MDGA2: variants seen among roughly 807,000 people sequenced by gnomAD.
The protein encoded by MDGA2 is MAM domain-containing glycosylphosphatidylinositol anchor protein 2.
In MDGA2, 40 loss-of-function variants were observed where a neutral mutation model predicts 117.8. That is an observed-to-expected ratio of 0.34 (90% CI 0.26 to 0.44). The LOEUF is 0.44. Ranked by LOEUF, MDGA2 falls within the 20% of genes least tolerant of loss-of-function variation. The pLI, the probability that MDGA2 is intolerant of heterozygous loss-of-function variation, is 1.00. For missense variants in MDGA2, 1,123 were observed against 1,250.6 expected (o/e 0.90, Z 1.54); for synonymous variants, 452 against 439.0 (o/e 1.03, Z -0.37).
At chr14:47,393,602 G>C (rs917989410) in intron 1 of MDGA2, among the ~76,000 whole-genome samples, 1 of 152,038 alleles carries the variant, frequency 6.6e-6, no homozygotes, top group Admixed American at 6.6e-5. Context: ...CTGTTTCCAA[G>C]GACCAGCCTC....
chr14:47,265,124 A>G lies in MDGA2; in HGVS notation c.420+36287T>C, dbSNP rs538568047. On this transcript the variant is annotated intron_variant, in intron 2 of 16. Transcript: ENST00000399232. The stretch of plus-strand genomic sequence containing the variant: ...TCAACAGGGCAGTTTTCAAATTACC[A>G]CTATAATGGCATTGAATGCAGAGTT... Among the ~76,000 whole-genome samples, 12 of 152,286 alleles carry G rather than the reference A, an allele frequency of 7.9e-5. No homozygotes were observed. The South Asian group carries it at 2.3e-3, about 29-fold the overall frequency.
At chr14:47,264,070 T>C (rs1054811528) in intron 2 of MDGA2, among the ~76,000 whole-genome samples, 5 of 152,288 alleles carry the variant, frequency 3.3e-5, no homozygotes, top group Admixed American at 3.3e-4. Flanking sequence ...AAGTTAAAGC[T>C]ATTTAAGTCA....
chr14:46,876,572 CAG>C, intron 12 of MDGA2, among the ~76,000 whole-genome samples: 1 of 151,598 alleles, frequency 6.6e-6, no homozygotes, highest in South Asian at 2.1e-4. Context: ...ATGATTTTAG[CAG>C]AGTTTCTGGG....
chr14:46,952,830 T>A (rs2138616608), intron 9 of MDGA2, among the ~76,000 whole-genome samples: 1 of 152,064 alleles, frequency 6.6e-6, no homozygotes, highest in Middle Eastern at 3.4e-3. Context: ...AGAACTGAAA[T>A]AGAGATTATG....
At chr14:47,211,767 T>C (rs571251247) in intron 3 of MDGA2, among the ~76,000 whole-genome samples, 1 of 152,316 alleles carries the variant, frequency 6.6e-6, no homozygotes, top group South Asian at 2.1e-4. Flanking sequence ...ATCCTTAAAA[T>C]TGCAATGTAA....
intron 1 of MDGA2, among the ~76,000 whole-genome samples, chr14:47,425,475 T>C (rs1024823959): frequency 6.6e-6 from 1 of 152,154 alleles, no homozygotes; most frequent in Non-Finnish European, 1.5e-5. Flanking sequence ...GTGATTATGA[T>C]GTCAGTTAAA....
chr14:47,350,342 A>G (rs752571738), intron 1 of MDGA2, among the ~76,000 whole-genome samples: 1 of 152,146 alleles, frequency 6.6e-6, no homozygotes, highest in Non-Finnish European at 1.5e-5. Context: ...AATACAGGGC[A>G]TTTTCAAGGG....
At chr14:47,471,162 G>A (rs10483570) in intron 1 of MDGA2, among the ~76,000 whole-genome samples, 10 of 151,780 alleles carry the variant, frequency 6.6e-5, no homozygotes, top group African/African-American at 1.9e-4. Context: ...TGCCAGGTAC[G>A]TGGTAGATGG....
At chr14:47,307,559 T>C (rs959175220) in intron 1 of MDGA2, among the ~76,000 whole-genome samples, 2 of 152,024 alleles carry the variant, frequency 1.3e-5, no homozygotes, top group African/African-American at 4.8e-5. Flanking sequence ...TGGGTGCCTG[T>C]AGTCCTAGCT....
At chr14:46,960,198 G>A (rs971568570) in intron 8 of MDGA2, among the ~76,000 whole-genome samples, 2 of 152,008 alleles carry the variant, frequency 1.3e-5, no homozygotes, top group African/African-American at 4.8e-5. Flanking sequence ...TCCAGCCTGG[G>A]AAACAGAGCT....
At chr14:47,508,352 A>ACTCTCTCTCTCT (rs3039658) in intron 1 of MDGA2, among the ~76,000 whole-genome samples, 19,282 of 132,270 alleles carry the variant, frequency 0.15, 1,710 homozygotes, top group South Asian at 0.25. Flanking sequence ...TTGCTGATTG[A>ACTCTCTCTCTCT]CTCTCTCTCT....
chr14:47,040,327 A>C (rs1206646501), intron 7 of MDGA2, among the ~76,000 whole-genome samples: 1 of 144,530 alleles, frequency 6.9e-6, no homozygotes, highest in African/African-American at 2.5e-5. Context: ...ATTACTGATA[A>C]ATTTTATTTT....
intron 1 of MDGA2, among the ~76,000 whole-genome samples, chr14:47,380,507 G>A (rs1418104902): frequency 6.6e-6 from 1 of 151,352 alleles, no homozygotes; most frequent in Non-Finnish European, 1.5e-5. Context: ...GAATCAAATA[G>A]ACGCAATAAA....
At chr14:47,438,615 T>C (rs1255618263) in intron 1 of MDGA2, among the ~76,000 whole-genome samples, 1 of 152,160 alleles carries the variant, frequency 6.6e-6, no homozygotes, top group Non-Finnish European at 1.5e-5. Flanking sequence ...GCCAGAAATA[T>C]GCTGCAGCTC....
At chr14:46,873,785 A>T (rs1244579630) in intron 13 of MDGA2, 194 bp from the exon 14 acceptor site, 1 of 579,130 alleles carries the variant, frequency 1.7e-6, no homozygotes, top group Non-Finnish European at 2.8e-6. Context: ...CTACCAAATT[A>T]AAGATAAAAT....
At chr14:47,639,031 C>A (rs1318048759) in intron 1 of MDGA2, among the ~76,000 whole-genome samples, 1 of 152,144 alleles carries the variant, frequency 6.6e-6, no homozygotes, top group Non-Finnish European at 1.5e-5. Context: ...AACTTCATCA[C>A]ATAATTTAGG....
chr14:46,887,707 G>T (rs533991732), intron 10 of MDGA2, among the ~76,000 whole-genome samples: 101 of 151,752 alleles, frequency 6.7e-4, no homozygotes, highest in Non-Finnish European at 1.3e-3. Context: ...TATTAGTTTG[G>T]TAGGTTAAAA....
At chr14:47,125,137 A>G (rs1164189383) in intron 5 of MDGA2, among the ~76,000 whole-genome samples, 1 of 152,156 alleles carries the variant, frequency 6.6e-6, no homozygotes, top group African/African-American at 2.4e-5. Flanking sequence ...GAGGCTAGAG[A>G]AATTCATATG....
intron 15 of MDGA2, among the ~76,000 whole-genome samples, chr14:46,849,412 A>G (rs1053012011): frequency 1.3e-5 from 2 of 151,888 alleles, no homozygotes; most frequent in Non-Finnish European, 2.9e-5. Flanking sequence ...TCTTGACTAC[A>G]ATTATATTTC....
Sources: allele counts gnomAD v4.1 joint callset (sites outside exome capture counted in the v4.1 genomes callset), GRCh38; gene constraint gnomAD v4.1.1; transcripts MANE v1.5; gene names NCBI Gene and HGNC (gene_info 2026-07-23, HGNC 2026-07-21).